The following CAMSAP1 variants were observed in gnomAD, a reference collection of about 807,000 sequenced individuals.
The protein encoded by CAMSAP1 is calmodulin-regulated spectrin-associated protein 1.
Under a neutral mutation model 143.5 loss-of-function variants are expected in CAMSAP1, and 58 were observed. The ratio of observed to expected loss-of-function variants is 0.40; its 90% CI spans 0.33 to 0.50. CAMSAP1 has a LOEUF of 0.50. CAMSAP1 is among the 20% of genes least tolerant of loss of function. CAMSAP1 has a pLI of 0.45. For missense variants in CAMSAP1, 1,969 were observed against 2,115.7 expected, an observed-to-expected ratio of 0.93 and a Z score of 1.36; for synonymous variants, 945 against 859.3, an observed-to-expected ratio of 1.10 and a Z score of -1.74.
chr9:135,891,871 T>C (rs1245767057), intron 1 of CAMSAP1, among the ~76,000 whole-genome samples: 1 of 151,838 alleles, frequency 6.6e-6, no homozygotes, highest in Non-Finnish European at 1.5e-5. Context: ...AGAACGAAAA[T>C]TTCAGGACTA....
Position 135,824,965 on chromosome 9 carries a change from C to G in CAMSAP1, c.1224-85G>C. 2.0e-6 allele frequency: 2 copies of G among 1,018,930 alleles called. No homozygotes were observed. The allele number at this position is 1,018,930 out of a possible 1,614,324, so 63.1% of individuals were successfully genotyped here. A position where few individuals can be genotyped will look rare whatever the true frequency, so the allele number is the denominator to read the frequency against. On this transcript the variant is annotated intron_variant, in intron 8 of 16. Coordinates refer to ENST00000389532, the MANE Select transcript of CAMSAP1 (RefSeq NM_015447.4). The surrounding 1 kb of genome is among the most constrained non-coding windows in gnomAD (Gnocchi z 4.1). Reference sequence around the variant, plus strand: ...CAAATGCACAAGTGTACAGGACCATCCTGAATTCACACCAAGTTTTGAGAA... The same window carrying G: ...CAAATGCACAAGTGTACAGGACCATGCTGAATTCACACCAAGTTTTGAGAA...
intron 1 of CAMSAP1, among the ~76,000 whole-genome samples, chr9:135,883,703 C>G (rs1271266204): frequency 1.3e-5 from 2 of 152,242 alleles, no homozygotes; most frequent in African/African-American, 4.8e-5. Flanking sequence ...TTGGACCAGG[C>G]AGCATCAAAC....
chr9:135,863,548 A>G (rs1298507792), intron 4 of CAMSAP1, among the ~76,000 whole-genome samples: 1 of 152,264 alleles, frequency 6.6e-6, no homozygotes, highest in African/African-American at 2.4e-5. Context: ...AGAGTCATGC[A>G]GCTGAATCAA....
chr9:135,863,259 G>A (rs531932701), intron 4 of CAMSAP1, among the ~76,000 whole-genome samples: 2 of 152,210 alleles, frequency 1.3e-5, no homozygotes, highest in South Asian at 4.1e-4. Context: ...AAAGCCACAC[G>A]TGTGGCCTTC....
chr9:135,814,064 G>A (rs1180303607), intron 16 of CAMSAP1, among the ~76,000 whole-genome samples: 4 of 152,152 alleles, frequency 2.6e-5, no homozygotes, highest in Non-Finnish European at 5.9e-5. Flanking sequence ...GTGCATCTCC[G>A]CATGCAGGGT....
chr9:135,853,522 C>A (rs1327689180), intron 5 of CAMSAP1, among the ~76,000 whole-genome samples: 1 of 152,242 alleles, frequency 6.6e-6, no homozygotes, highest in Non-Finnish European at 1.5e-5. Flanking sequence ...TCAGAACAAT[C>A]TGGAGAAATC....
chr9:135,854,733 C>A (rs567373363), intron 5 of CAMSAP1, among the ~76,000 whole-genome samples: 2 of 152,184 alleles, frequency 1.3e-5, no homozygotes, highest in South Asian at 4.1e-4. Context: ...GAATTACAGG[C>A]ATGAGCTACC....
At chr9:135,872,374 G>A (rs1454855200) in intron 3 of CAMSAP1, among the ~76,000 whole-genome samples, 2 of 152,080 alleles carry the variant, frequency 1.3e-5, no homozygotes, top group Non-Finnish European at 2.9e-5. Context: ...ACGGTCTAAA[G>A]ATGCACACAG....
chr9:135,832,748 T>C (rs1835895328), intron 7 of CAMSAP1, among the ~76,000 whole-genome samples: 1 of 152,004 alleles, frequency 6.6e-6, no homozygotes, highest in Non-Finnish European at 1.5e-5. Context: ...TAACAATTAA[T>C]TATCTAAAAA....
chr9:135,839,745 G>A (rs987292180), intron 7 of CAMSAP1, among the ~76,000 whole-genome samples: 4 of 152,086 alleles, frequency 2.6e-5, no homozygotes, highest in Admixed American at 2.0e-4. Context: ...GCAGGGGCAC[G>A]AGCTGCAGGC....
At chr9:135,883,238 C>A (rs1838016902) in intron 1 of CAMSAP1, among the ~76,000 whole-genome samples, 160 bp from the exon 2 acceptor site, 1 of 152,150 alleles carries the variant, frequency 6.6e-6, no homozygotes, top group Admixed American at 6.5e-5. Flanking sequence ...ATTAAATGAG[C>A]AACTAACAAC....
In CAMSAP1 at chr9:135,821,640, C is replaced by T. The variant is rs1454465651; in HGVS notation, c.3021G>A (p.Leu1007=). Residue 1007 remains leucine, a synonymous_variant, in exon 11 of 17, where the codon CTG becomes CTA. Coordinates refer to ENST00000389532, the MANE Select transcript of CAMSAP1 (RefSeq NM_015447.4). The surrounding 1 kb of genome is among the most constrained non-coding windows in gnomAD (Gnocchi z 4.6). ...CGACAACCTCCCCAACAGTGTCCTC[C>T]AGGAGGGCAGCGGAGATCACCTTAT... ...ERNKVISAAL[L]EDTVGEVVDV... is the part of the protein sequence containing the mutation. The T allele has an allele frequency of 5.0e-6, 8 of 1,613,998 alleles. No homozygotes were observed. The highest frequency in any genetic ancestry group is 5.9e-6 in the Non-Finnish European group (7 of 1,179,886).
chr9:135,817,924 G>A (rs1180269502), intron 14 of CAMSAP1, 53 bp downstream of exon 14: 2 of 1,447,674 alleles, frequency 1.4e-6, no homozygotes, highest in Admixed American at 1.7e-5. Context: ...GTCCCACCCT[G>A]CCCCTCCGAA....
At chr9:135,870,542 C>T (rs1837535993) in intron 3 of CAMSAP1, among the ~76,000 whole-genome samples, 1 of 152,162 alleles carries the variant, frequency 6.6e-6, no homozygotes, top group Admixed American at 6.5e-5. Flanking sequence ...ACCTGTAATC[C>T]CAGCACTTTG....
At chr9:135,837,697 C>T (rs1252469165) in intron 7 of CAMSAP1, among the ~76,000 whole-genome samples, 2 of 149,502 alleles carry the variant, frequency 1.3e-5, no homozygotes, top group African/African-American at 5.0e-5. Context: ...TCTAGAGACA[C>T]ACGTCACCAC....
In CAMSAP1 at chr9:135,850,373, T is replaced by C. The variant is rs1248463964; in HGVS notation, c.897A>G (p.Lys299=). The C allele has an allele frequency of 1.2e-6, 2 of 1,611,390 alleles. No individual in the cohort carries two copies. Among genetic ancestry groups the C allele is most frequent in the Non-Finnish European group, 1.7e-6 (2 of 1,179,202 alleles). The change falls in exon 6 of 17, where the codon AAA becomes AAG. Residue 299 remains lysine, a synonymous_variant. Transcript: ENST00000389532. ...TATCTTCCAAGGTGAGATAAAAACA[T>C]TTATTAAGATATTCATTGGAGAATT... ...LREFSNEYLN[K]CFYLTLEDML... is the part of the protein sequence containing the mutation.
Position 135,820,096 on chromosome 9 carries a change from C to A in CAMSAP1, c.3822+743G>T, listed in dbSNP as rs12554173. Among the ~76,000 whole-genome samples the A allele has an allele frequency of 0.11, 16,111 of 152,194 alleles. 1,060 individuals are homozygous for A. The highest frequency in any genetic ancestry group is 0.34 in the East Asian group (1,782 of 5,176). On this transcript the variant is annotated intron_variant, in intron 11 of 16. Coordinates refer to ENST00000389532, the MANE Select transcript of CAMSAP1 (RefSeq NM_015447.4). The surrounding 1 kb of genome is among the most constrained non-coding windows in gnomAD (Gnocchi z 4.4). ...GTGAGCATGACGGAGTGTGCGCACA[C>A]CTGGATGGCAGCGCCCCCCACAGGC...
chr9:135,834,881 A>C (rs1017245527), intron 7 of CAMSAP1, among the ~76,000 whole-genome samples: 8 of 152,156 alleles, frequency 5.3e-5, no homozygotes, highest in Admixed American at 4.6e-4. Flanking sequence ...ATACACTTTT[A>C]ATCTTCAATA....
At chr9:135,829,234 G>A (rs958944273) in intron 7 of CAMSAP1, among the ~76,000 whole-genome samples, 1 of 152,170 alleles carries the variant, frequency 6.6e-6, no homozygotes, top group Non-Finnish European at 1.5e-5. Context: ...AGGCACGGTG[G>A]CCCATGCCTG....
Sources: gnomAD v4.1 joint callset for allele counts (sites outside exome capture counted in the v4.1 genomes callset) on GRCh38, gnomAD v4.1.1 for gene constraint, Gnocchi (gnomAD v3.1) non-coding constraint, MANE v1.5 for transcripts, NCBI Gene and HGNC (gene_info 2026-07-23, HGNC 2026-07-21) for gene names.